The following SLC8A1 variants were observed in gnomAD, a reference collection of about 807,000 sequenced individuals.
SLC8A1 encodes solute carrier family 8 member A1.
In SLC8A1, 18 loss-of-function variants were observed where a neutral mutation model predicts 68.3. The observed-to-expected ratio is 0.26, with a 90% confidence interval of 0.18 to 0.39. The LOEUF is 0.39. Among genes scored for constraint, SLC8A1 ranks in the 10% least tolerant of loss-of-function variants. SLC8A1 has a pLI of 1.00. For missense variants in SLC8A1, 985 were observed against 1,156.7 expected, an observed-to-expected ratio of 0.85 and a Z score of 2.15; for synonymous variants, 475 against 415.5, an observed-to-expected ratio of 1.14 and a Z score of -1.74.
chr2:40,278,314 CA>C (rs1553469686), intron 2 of SLC8A1, among the ~76,000 whole-genome samples: 1 of 151,826 alleles, frequency 6.6e-6, no homozygotes, highest in Non-Finnish European at 1.5e-5. Context: ...ACTAAAAATA[CA>C]AAAATTAGCT....
intron 2 of SLC8A1, among the ~76,000 whole-genome samples, chr2:40,308,710 A>G (rs1337134012): frequency 2.0e-5 from 3 of 152,182 alleles, no homozygotes; most frequent in Non-Finnish European, 4.4e-5. Context: ...GTTATTTCCA[A>G]TAGGGGCTCA....
intron 2 of SLC8A1, among the ~76,000 whole-genome samples, chr2:40,361,853 T>C (rs1674715946): frequency 6.6e-6 from 1 of 150,720 alleles, no homozygotes; most frequent in Admixed American, 6.6e-5. Flanking sequence ...ATAATAATTA[T>C]GCTAGATAGT....
intron 4 of SLC8A1, among the ~76,000 whole-genome samples, chr2:40,166,604 G>A (rs909814133): frequency 6.6e-6 from 1 of 152,168 alleles, no homozygotes; most frequent in African/African-American, 2.4e-5. Flanking sequence ...GGGAAGTTAT[G>A]ACCCAAGGGA....
intron 1 of SLC8A1, among the ~76,000 whole-genome samples, chr2:40,436,133 C>T (rs560685781): frequency 1.3e-5 from 2 of 152,076 alleles, no homozygotes; most frequent in African/African-American, 4.8e-5. Context: ...GTCTTTCTCT[C>T]TTCAAAAGAT....
chr2:40,235,726 T>G (rs906904535), intron 2 of SLC8A1, among the ~76,000 whole-genome samples: 22 of 151,342 alleles, frequency 1.5e-4, no homozygotes, highest in African/African-American at 3.2e-4. Context: ...TGCTTTCTCT[T>G]GTGGGCATTT....
intron 2 of SLC8A1, among the ~76,000 whole-genome samples, chr2:40,358,071 A>G (rs949486077): frequency 3.5e-4 from 52 of 148,394 alleles, no homozygotes; most frequent in Non-Finnish European, 3.8e-4. Flanking sequence ...AAAAAAAAAA[A>G]GGTGGCGGTG....
chr2:40,494,601 C>G (rs1349080799), intron 1 of SLC8A1, among the ~76,000 whole-genome samples: 1 of 142,342 alleles, frequency 7.0e-6, no homozygotes, highest in East Asian at 2.0e-4. Context: ...ATGTAACAAA[C>G]CTGCACGTTG....
At chr2:40,236,274 C>G in intron 2 of SLC8A1, among the ~76,000 whole-genome samples, 1 of 151,456 alleles carries the variant, frequency 6.6e-6, no homozygotes, top group Admixed American at 6.6e-5. Flanking sequence ...CTTTATGAAT[C>G]TGGGTGCTCC....
Position 40,184,958 on chromosome 2 carries a change from G to A in SLC8A1, c.1809-7103C>T, listed in dbSNP as rs75726251. On this transcript the variant is annotated intron_variant, in intron 2 of 7. Transcript: ENST00000406785. ...AAAAAGATGGGCAAAGGATCTGAAT[G>A]GCATTTCTCCACAGAAGATAAACAA... Among the ~76,000 whole-genome samples the A allele has an allele frequency of 5.5e-4, 82 of 148,872 alleles. No individual in the cohort carries two copies. In the East Asian group the frequency reaches 0.014, roughly 26 times the overall value.
At chr2:40,339,981 G>A (rs560279332) in intron 2 of SLC8A1, among the ~76,000 whole-genome samples, 2 of 152,266 alleles carry the variant, frequency 1.3e-5, no homozygotes, top group East Asian at 3.9e-4. Context: ...ACTTTTCAGA[G>A]CTTTTAATGT....
At chr2:40,439,306 G>C (rs1351759416) in intron 1 of SLC8A1, among the ~76,000 whole-genome samples, 1 of 152,136 alleles carries the variant, frequency 6.6e-6, no homozygotes, top group Non-Finnish European at 1.5e-5. Context: ...CATCTTCAGA[G>C]ACCTATTCAG....
intron 2 of SLC8A1, among the ~76,000 whole-genome samples, chr2:40,333,336 G>A (rs1179475960): frequency 1.3e-5 from 2 of 150,506 alleles, no homozygotes; most frequent in African/African-American, 4.9e-5. Context: ...TACTCGGGAG[G>A]TTGAGGCAGG....
At chr2:40,178,470 A>G (rs1175779882) in intron 2 of SLC8A1, 8 of 1,613,502 alleles carry the variant, frequency 5.0e-6, no homozygotes, top group Non-Finnish European at 6.8e-6. Context: ...CTCATCATCA[A>G]TTACCTTGAC....
chr2:40,504,149 C>T lies in SLC8A1; in HGVS notation c.-25+8200G>A, dbSNP rs1223569490. 2.0e-5 allele frequency among the ~76,000 whole-genome samples: 3 copies of T among 151,922 alleles called. No homozygotes were observed. In the East Asian group the frequency reaches 5.8e-4, roughly 29 times the overall value. On this transcript the variant is annotated intron_variant, in intron 1 of 7. Transcript: ENST00000402441. ...AGAATAGAGAACCCAGAAACAAATC[C>T]ACACACCTATAGATAGTGAACTCAG...
chr2:40,377,474 G>T (rs990057732), intron 2 of SLC8A1, among the ~76,000 whole-genome samples: 1 of 152,006 alleles, frequency 6.6e-6, no homozygotes, highest in Admixed American at 6.6e-5. Context: ...CTGGTAATTT[G>T]CCATGCACCA....
chr2:40,382,379 C>T (rs1381995561), intron 2 of SLC8A1, among the ~76,000 whole-genome samples: 1 of 136,384 alleles, frequency 7.3e-6, no homozygotes, highest in African/African-American at 3.5e-5. Flanking sequence ...TAGAACTGCA[C>T]ATTTGCCAAG....
intron 7 of SLC8A1, chr2:40,117,030 C>A (rs1388241451): frequency 6.6e-6 from 1 of 152,158 alleles, no homozygotes; most frequent in African/African-American, 2.4e-5. Flanking sequence ...CTTCAGAGTG[C>A]TGTTGGTAAG....
chr2:40,365,325 T>C (rs192485441), intron 2 of SLC8A1, among the ~76,000 whole-genome samples: 1 of 152,288 alleles, frequency 6.6e-6, no homozygotes, highest in East Asian at 1.9e-4. Flanking sequence ...ACTTAATTTA[T>C]TGTGCATTTG....
At chr2:40,459,510 G>A (rs771148444) in intron 1 of SLC8A1, among the ~76,000 whole-genome samples, 8 of 152,172 alleles carry the variant, frequency 5.3e-5, no homozygotes, top group Admixed American at 1.3e-4. Context: ...GCGTTTTGGA[G>A]CATATTCATA....
Sources: allele counts gnomAD v4.1 joint callset (sites outside exome capture counted in the v4.1 genomes callset), GRCh38; gene constraint gnomAD v4.1.1; transcripts MANE v1.5; gene names NCBI Gene and HGNC (gene_info 2026-07-23, HGNC 2026-07-21).